CACNA1D: variants seen among roughly 807,000 people sequenced by gnomAD.
The protein encoded by CACNA1D is calcium voltage-gated channel subunit alpha1 D.
CACNA1D carries 55 observed loss-of-function variants against 257.1 expected under a neutral mutation model. The ratio of observed to expected loss-of-function variants is 0.21; its 90% confidence interval spans 0.17 to 0.27. The LOEUF is 0.27. Among genes scored for constraint, CACNA1D ranks in the 10% least tolerant of loss-of-function variants. CACNA1D has a pLI of 1.00. For missense variants in CACNA1D, 1,876 were observed against 2,784.0 expected, an observed-to-expected ratio of 0.67 and a Z score of 7.34; for synonymous variants, 980 against 1,014.9, an observed-to-expected ratio of 0.97 and a Z score of 0.65.
chr3:53,505,124 T>G (rs1025704522), intron 3 of CACNA1D, among the ~76,000 whole-genome samples: 1 of 147,074 alleles, frequency 6.8e-6, no homozygotes, highest in Admixed American at 6.7e-5. Context: ...TGTTTTTTTT[T>G]TTTTTTTTTT....
intron 3 of CACNA1D, among the ~76,000 whole-genome samples, chr3:53,637,447 T>C (rs1170805948): frequency 6.6e-6 from 1 of 152,210 alleles, no homozygotes; most frequent in Non-Finnish European, 1.5e-5. Context: ...TAAGGTTTTT[T>C]TTTTGGAGCA....
At chr3:53,605,799 T>A (rs994348768) in intron 3 of CACNA1D, among the ~76,000 whole-genome samples, 5 of 151,990 alleles carry the variant, frequency 3.3e-5, no homozygotes, top group African/African-American at 1.2e-4. Flanking sequence ...TCAGTAAAGG[T>A]GGAGATAGCA....
In CACNA1D at chr3:53,510,013, T is replaced by C. The variant is rs1429926910; in HGVS notation, c.483+8293T>C. ...CGCTGCTGTGGCTCCCCATGCCTTGTTGTGAAGGAAAACCTACAGTGTGGG... is the reference window on the plus strand; with the variant it reads ...CGCTGCTGTGGCTCCCCATGCCTTGCTGTGAAGGAAAACCTACAGTGTGGG... On this transcript the variant is annotated intron_variant, in intron 3 of 47. Transcript: ENST00000350061. Among the ~76,000 whole-genome samples the C allele has an allele frequency of 3.9e-5, 6 of 152,230 alleles. No individual in the cohort carries two copies. The East Asian group carries it at 1.2e-3, about 29-fold the overall frequency.
rs1487699846 is a variant in CACNA1D, at chr3:53,774,621, A to C, written c.4145A>C (p.Gln1382Pro). The C allele has an allele frequency of 1.2e-6, 2 of 1,612,088 alleles. No homozygotes were observed. Among genetic ancestry groups the C allele is most frequent in the Non-Finnish European group, 1.7e-6 (2 of 1,178,104 alleles). ...AAAGTTGCCATGAGAGATAACAACC[A>C]GATCAATAGGAACAATAACTTCCAG... ...FGKVAMRDNNQINRNNNFQTF... is the reference protein window; with the variant it reads ...FGKVAMRDNNPINRNNNFQTF... Residue 1382 changes from glutamine to proline, a missense_variant, in exon 34 of 48, where the codon CAG becomes CCG. This residue lies in a region of CACNA1D where 204 missense variants were observed against 309.4 expected (regional missense o/e 0.66). Transcript: ENST00000350061. The surrounding 1 kb of genome is among the most constrained non-coding windows in gnomAD (Gnocchi z 4.3).
chr3:53,727,978 TGTA>T (rs2094952317), intron 15 of CACNA1D, among the ~76,000 whole-genome samples: 1 of 152,148 alleles, frequency 6.6e-6, no homozygotes. Context: ...TATACATCCT[TGTA>T]GTCCCTTGAC....
intron 30 of CACNA1D, among the ~76,000 whole-genome samples, chr3:53,768,647 A>T (rs899394445): frequency 6.6e-6 from 1 of 152,052 alleles, no homozygotes; most frequent in East Asian, 1.9e-4. Flanking sequence ...AGAAGCAAGG[A>T]CCCCTTTTAA....
chr3:53,555,014 A>G (rs1399093257), intron 3 of CACNA1D, among the ~76,000 whole-genome samples: 1 of 152,252 alleles, frequency 6.6e-6, no homozygotes, highest in East Asian at 1.9e-4. Flanking sequence ...TCAAATATGT[A>G]GGATTATGAC....
Position 53,747,342 on chromosome 3 carries a change from C to G in CACNA1D, c.3208C>G (p.Pro1070Ala). Reference protein sequence around the residue: ...ILYKDGDVDSPVVRERIWQNS... With the variant: ...ILYKDGDVDSAVVRERIWQNS... ...CTACAAGGATGGGGATGTTGACAGT[C>G]CTGTGGTCCGTGAACGGATCTGGCA... Residue 1070 changes from proline (P) to alanine (A), a missense_variant, in exon 26 of 48, where the codon CCT (proline) becomes GCT (alanine). Physicochemically the swap from Pro to Ala is conservative, Grantham distance 27 (BLOSUM62 -1). Coordinates refer to ENST00000350061, the MANE Select transcript of CACNA1D (RefSeq NM_001128840.3). 3 of 1,613,910 alleles carry G rather than the reference C, an allele frequency of 1.9e-6. No homozygotes were observed. Among genetic ancestry groups the G allele is most frequent in the Non-Finnish European group, 8.5e-7 (1 of 1,179,780 alleles).
chr3:53,693,857 A>T (rs2094550283), intron 8 of CACNA1D, among the ~76,000 whole-genome samples: 1 of 152,128 alleles, frequency 6.6e-6, no homozygotes, highest in Non-Finnish European at 1.5e-5. Flanking sequence ...TGTGTATGTA[A>T]ATATCAAAGT....
chr3:53,677,360 C>T (rs62251937), intron 8 of CACNA1D, among the ~76,000 whole-genome samples: 16 of 152,238 alleles, frequency 1.1e-4, no homozygotes, highest in Non-Finnish European at 1.5e-4. Flanking sequence ...CCCTGAGCCT[C>T]GGTCTCTTTG....
intron 40 of CACNA1D, among the ~76,000 whole-genome samples, chr3:53,787,453 G>GTGTGTGTGTGTGTA: frequency 6.7e-6 from 1 of 148,410 alleles, no homozygotes; most frequent in East Asian, 2.0e-4. Context: ...GTGTGTGTGT[G>GTGTGTGTGTGTGTA]TATGTATGTA....
At chr3:53,603,899 GT>G (rs774926569) in intron 3 of CACNA1D, among the ~76,000 whole-genome samples, 13 of 152,332 alleles carry the variant, frequency 8.5e-5, no homozygotes, top group Middle Eastern at 3.4e-3. Context: ...TGCAGCTGAT[GT>G]ATGGACTGGT....
chr3:53,727,539 T>C (rs533889341), intron 15 of CACNA1D, among the ~76,000 whole-genome samples: 1 of 152,280 alleles, frequency 6.6e-6, no homozygotes, highest in Admixed American at 6.5e-5. Context: ...TCTGCCTTAC[T>C]TTACCCCTTT....
chr3:53,721,443 CT>C (rs1404544599), intron 11 of CACNA1D, among the ~76,000 whole-genome samples: 2 of 152,174 alleles, frequency 1.3e-5, no homozygotes, highest in Non-Finnish European at 2.9e-5. Context: ...ATTGGCTGAC[CT>C]TTCCACGGGA....
At chr3:53,746,140 A>T (rs1326309803) in intron 25 of CACNA1D, among the ~76,000 whole-genome samples, 1 of 152,152 alleles carries the variant, frequency 6.6e-6, no homozygotes, top group East Asian at 1.9e-4. Context: ...ACTTTTTGTC[A>T]TCCCAAAAGA....
intron 3 of CACNA1D, among the ~76,000 whole-genome samples, chr3:53,578,945 C>T (rs1461054736): frequency 1.3e-5 from 2 of 152,090 alleles, no homozygotes; most frequent in Non-Finnish European, 2.9e-5. Context: ...CTGTTTGCAT[C>T]CTTTTGAGGA....
chr3:53,570,833 A>C (rs901315678), intron 3 of CACNA1D, among the ~76,000 whole-genome samples: 2 of 152,242 alleles, frequency 1.3e-5, no homozygotes, highest in African/African-American at 4.8e-5. Flanking sequence ...TCATTAGCAA[A>C]GGCTAAAAAT....
intron 20 of CACNA1D, among the ~76,000 whole-genome samples, chr3:53,736,184 A>T (rs868502495): frequency 6.6e-6 from 1 of 151,824 alleles, no homozygotes; most frequent in Admixed American, 6.6e-5. Context: ...TACAAAAAAT[A>T]AAAAAAATTA....
chr3:53,800,862 A>G lies in CACNA1D; in HGVS notation c.5041-196A>G. The G allele has an allele frequency of 1.6e-6, 1 of 631,506 alleles. No homozygotes were observed. Among genetic ancestry groups the G allele is most frequent in the Non-Finnish European group, 2.8e-6 (1 of 354,700 alleles). 39.1% of individuals were successfully genotyped at this position (631,506 alleles called of 1,614,324 possible). On this transcript the variant is annotated intron_variant, in intron 41 of 47. Coordinates refer to ENST00000350061, the MANE Select transcript of CACNA1D (RefSeq NM_001128840.3). The surrounding 1 kb of genome is among the most constrained non-coding windows in gnomAD (Gnocchi z 4.3). ...TTGCTCCCCAGCTCAGGAAATCGGT[A>G]ACCTTCCTCATCTCGGGGGGACCAA...
Sources: allele counts gnomAD v4.1 joint callset (sites outside exome capture counted in the v4.1 genomes callset), GRCh38; gene constraint gnomAD v4.1.1; regional missense constraint gnomAD v4.1.1; non-coding constraint Gnocchi (gnomAD v3.1); transcripts MANE v1.5; gene names NCBI Gene and HGNC (gene_info 2026-07-23, HGNC 2026-07-21).